KCNIP4: variants seen among roughly 807,000 people sequenced by gnomAD.
The protein encoded by KCNIP4 is Kv channel-interacting protein 4.
In KCNIP4, 12 loss-of-function variants were observed where a neutral mutation model predicts 34.0. That is an observed-to-expected ratio of 0.35 (90% CI 0.23 to 0.57). The LOEUF (loss-of-function observed/expected upper bound fraction) is 0.57. KCNIP4 is among the 20% of genes least tolerant of loss of function. The probability of loss-of-function intolerance (pLI) is 0.83; values close to 1 mark genes in which losing one functional copy is unlikely to be tolerated. For missense variants in KCNIP4, 238 were observed against 311.7 expected (o/e 0.76, Z 1.78); for synonymous variants, 124 against 102.2 (o/e 1.21, Z -1.29).
intron 1 of KCNIP4, among the ~76,000 whole-genome samples, chr4:21,380,397 C>G (rs1300830200): frequency 8.8e-6 from 1 of 113,240 alleles, no homozygotes; most frequent in Non-Finnish European, 1.8e-5. Context: ...GTGTGTCTCT[C>G]TGTGTGTGGC....
chr4:21,726,625 G>A (rs1015108011), intron 1 of KCNIP4, among the ~76,000 whole-genome samples: 3 of 152,242 alleles, frequency 2.0e-5, no homozygotes, highest in Non-Finnish European at 2.9e-5. Context: ...TAGATTCCAC[G>A]TCCCTGTGAA....
intron 2 of KCNIP4, among the ~76,000 whole-genome samples, chr4:20,872,766 T>C (rs1222995729): frequency 6.6e-6 from 1 of 152,030 alleles, no homozygotes; most frequent in African/African-American, 2.4e-5. Context: ...CTGGCCCAAA[T>C]TAACAGTAAC....
intron 1 of KCNIP4, among the ~76,000 whole-genome samples, chr4:21,471,626 G>A (rs1730476395): frequency 6.6e-6 from 1 of 152,116 alleles, no homozygotes; most frequent in African/African-American, 2.4e-5. Flanking sequence ...TAGAGAAAGG[G>A]GAATGAGACA....
At chr4:21,347,444 C>T (rs1181613113) in intron 1 of KCNIP4, among the ~76,000 whole-genome samples, 1 of 152,178 alleles carries the variant, frequency 6.6e-6, no homozygotes, top group Non-Finnish European at 1.5e-5. Context: ...CTTCAATCTC[C>T]CTCCAGTGTA....
At chr4:21,594,967 A>T (rs185891103) in intron 1 of KCNIP4, among the ~76,000 whole-genome samples, 3 of 152,104 alleles carry the variant, frequency 2.0e-5, no homozygotes, top group African/African-American at 4.8e-5. Flanking sequence ...TACTTTTTTT[A>T]AAAAAATTTA....
At chr4:21,592,283 C>T (rs1365081955) in intron 1 of KCNIP4, among the ~76,000 whole-genome samples, 2 of 152,064 alleles carry the variant, frequency 1.3e-5, no homozygotes, top group Non-Finnish European at 2.9e-5. Context: ...AAGTTTCCAT[C>T]TTGGTAACTA....
At chr4:20,993,767 C>A (rs1348351880) in intron 1 of KCNIP4, among the ~76,000 whole-genome samples, 3 of 152,168 alleles carry the variant, frequency 2.0e-5, no homozygotes, top group African/African-American at 7.2e-5. Flanking sequence ...AGCCTGGTGG[C>A]TAAAACTGAC....
At chr4:20,935,983 A>G (rs1731017896) in intron 1 of KCNIP4, among the ~76,000 whole-genome samples, 4 of 152,192 alleles carry the variant, frequency 2.6e-5, no homozygotes, top group Admixed American at 2.6e-4. Context: ...AACAATCCTA[A>G]TGATAGAGGT....
intron 1 of KCNIP4, among the ~76,000 whole-genome samples, chr4:21,694,914 C>CAAAAAAAAAAAAAAAAAAAAAAAA (rs368053041): frequency 8.6e-5 from 4 of 46,492 alleles, no homozygotes; most frequent in African/African-American, 2.6e-4. Context: ...CACGATTGAC[C>CAAAAAAAAAAAAAAAAAAAAAAAA]AAAAAAAAAA....
chr4:21,077,000 C>A (rs1279545399), intron 1 of KCNIP4, among the ~76,000 whole-genome samples: 1 of 152,060 alleles, frequency 6.6e-6, no homozygotes, highest in African/African-American at 2.4e-5. Context: ...TGGCATGAGC[C>A]AGTCATCCAA....
chr4:21,434,910 C>T (rs1028493999), intron 1 of KCNIP4, among the ~76,000 whole-genome samples: 1 of 152,002 alleles, frequency 6.6e-6, no homozygotes, highest in Non-Finnish European at 1.5e-5. Flanking sequence ...GCTTTCTTGA[C>T]ACCTTAGTTT....
chr4:21,785,626 AT>A (rs1283842288), intron 1 of KCNIP4, among the ~76,000 whole-genome samples: 3 of 132,764 alleles, frequency 2.3e-5, no homozygotes, highest in African/African-American at 8.2e-5. Context: ...AAATAAAAAA[AT>A]AACCATGAGC....
At chr4:21,766,700 G>A (rs1410994137) in intron 1 of KCNIP4, among the ~76,000 whole-genome samples, 1 of 152,074 alleles carries the variant, frequency 6.6e-6, no homozygotes, top group East Asian at 1.9e-4. Flanking sequence ...TTATATACGA[G>A]GCAGGGAGGG....
chr4:21,795,325 G>A (rs1720552039), intron 1 of KCNIP4, among the ~76,000 whole-genome samples: 1 of 152,158 alleles, frequency 6.6e-6, no homozygotes, highest in Non-Finnish European at 1.5e-5. Flanking sequence ...CTTGATCTTG[G>A]ACTTCCAGCC....
chr4:21,184,158 A>G (rs714912), intron 1 of KCNIP4, among the ~76,000 whole-genome samples: 12,062 of 152,028 alleles, frequency 0.079, 661 homozygotes, highest in South Asian at 0.16. Context: ...TAATTTCCCT[A>G]TGTTTCAATT....
intron 1 of KCNIP4, among the ~76,000 whole-genome samples, chr4:21,548,402 A>C (rs1023630357): frequency 1.3e-5 from 2 of 152,138 alleles, no homozygotes; most frequent in Non-Finnish European, 2.9e-5. Context: ...CTGGGATGGG[A>C]AGAACACTTC....
At chr4:21,461,625 C>G (rs1012230518) in intron 1 of KCNIP4, among the ~76,000 whole-genome samples, 1 of 152,020 alleles carries the variant, frequency 6.6e-6, no homozygotes, top group Admixed American at 6.6e-5. Flanking sequence ...TAAGTCCAGT[C>G]TCTAGACTTT....
intron 1 of KCNIP4, among the ~76,000 whole-genome samples, chr4:21,188,754 T>A (rs1330025679): frequency 2.0e-5 from 3 of 152,214 alleles, no homozygotes; most frequent in Non-Finnish European, 4.4e-5. Context: ...CTTCATAGCA[T>A]TAACCATCAT....
chr4:21,880,851 C>T (rs1726419131), intron 1 of KCNIP4, among the ~76,000 whole-genome samples: 1 of 152,164 alleles, frequency 6.6e-6, no homozygotes, highest in East Asian at 1.9e-4. Flanking sequence ...ATGTATGCAA[C>T]TTAACAATGA....
Sources: allele counts gnomAD v4.1 joint callset (sites outside exome capture counted in the v4.1 genomes callset), GRCh38; gene constraint gnomAD v4.1.1; transcripts MANE v1.5; gene names NCBI Gene and HGNC (gene_info 2026-07-23, HGNC 2026-07-21).